Variants in THOC2 observed in about 807,000 individuals in gnomAD.
THOC2 encodes the protein THO complex subunit 2, also known as THO complex 2.
In THOC2, 10 loss-of-function variants were observed where a neutral mutation model predicts 128.4. That is an observed-to-expected ratio of 0.08 (90% CI 0.05 to 0.13). THOC2 has a LOEUF of 0.13. Among genes scored for constraint, THOC2 ranks in the 10% least tolerant of loss-of-function variants. THOC2 has a pLI of 1.00. For missense variants in THOC2, 535 were observed against 1,155.7 expected (o/e 0.46, Z 7.79); for synonymous variants, 393 against 396.9 (o/e 0.99, Z 0.12).
At chrX:123,731,429 TA>T (rs2052248276) in intron 1 of THOC2, among the ~76,000 whole-genome samples, 1 of 111,797 alleles carries the variant, frequency 8.9e-6, no homozygotes, top group East Asian at 2.8e-4. Flanking sequence ...AGAGACCAAT[TA>T]ATTGCTAACC....
chrX:123,609,050 G>C (rs1183297282), intron 38 of THOC2, among the ~76,000 whole-genome samples: 3 of 112,195 alleles, frequency 2.7e-5, no homozygotes, highest in Non-Finnish European at 3.8e-5. Context: ...TAATATTTGG[G>C]TACTGAGTAA....
intron 7 of THOC2, among the ~76,000 whole-genome samples, chrX:123,689,145 C>A (rs2050122095): frequency 8.9e-6 from 1 of 112,166 alleles, no homozygotes; most frequent in South Asian, 3.7e-4. Context: ...AAATGTGAAC[C>A]ACTAGCATTA....
chrX:123,600,726 G>C lies in THOC2; in HGVS notation c.*631C>G, dbSNP rs1234519186. 7.1e-5 allele frequency: 8 copies of C among 111,906 alleles called. No homozygotes were observed. The highest frequency in any genetic ancestry group is 2.3e-4 in the African/African-American group (7 of 30,765). The allele number at this position is 111,906 out of a possible 1,213,427, so 9.2% of individuals were successfully genotyped here. ...TGTAGAATTAAAACAATTATGTTTT[G>C]ATCCCCCCGCCGCCAAGATTTGTCT... is the stretch of plus-strand genomic sequence containing the variant. On this transcript the variant is annotated 3_prime_UTR_variant, in exon 39 of 39. Coordinates refer to ENST00000245838, the MANE Select transcript of THOC2 (RefSeq NM_001081550.2).
chrX:123,697,457 G>A (rs913443514), intron 5 of THOC2, among the ~76,000 whole-genome samples: 44 of 111,857 alleles, frequency 3.9e-4, no homozygotes, highest in African/African-American at 1.4e-3. Context: ...TATCACCAAA[G>A]GTTTTAAATG....
intron 36 of THOC2, among the ~76,000 whole-genome samples, chrX:123,611,738 C>A (rs1442911126): frequency 9.6e-6 from 1 of 103,838 alleles, no homozygotes; most frequent in Admixed American, 1.1e-4. Context: ...GAAAAGACAA[C>A]CTATAGAACT....
At chrX:123,698,457 C>CA (rs763092017) in intron 4 of THOC2, among the ~76,000 whole-genome samples, 2,081 of 35,747 alleles carry the variant, frequency 0.058, 75 homozygotes, top group African/African-American at 0.14. Context: ...GACTCTGTCT[C>CA]AAAAAAAAAA....
At chrX:123,652,397 T>C (rs983227513) in intron 12 of THOC2, among the ~76,000 whole-genome samples, 5 of 111,870 alleles carry the variant, frequency 4.5e-5, no homozygotes, top group Non-Finnish European at 9.4e-5. Flanking sequence ...TCTCTCACCA[T>C]TCCTATTCAA....
intron 15 of THOC2, among the ~76,000 whole-genome samples, chrX:123,643,969 C>T (rs764426046): frequency 1.8e-5 from 2 of 112,142 alleles, no homozygotes; most frequent in Non-Finnish European, 3.8e-5. Flanking sequence ...TGCAATACAG[C>T]AATACAATTA....
At position 123,692,847 on chromosome X, in the gene THOC2, T is replaced by C. The variant is rs748209166; in HGVS notation, c.601+3174A>G. 3.6e-5 allele frequency among the ~76,000 whole-genome samples: 4 copies of C among 111,917 alleles called. No homozygotes were observed. In the East Asian group the frequency reaches 1.1e-3, roughly 31 times the overall value. On this transcript the variant is annotated intron_variant, in intron 7 of 38. Transcript: ENST00000245838. Reference sequence around the variant, plus strand: ...AAGGATGATAAGTAAGGATTTATCCTGGTCAGACCAAGTACCCTGAAAGTA... The same window carrying C: ...AAGGATGATAAGTAAGGATTTATCCCGGTCAGACCAAGTACCCTGAAAGTA...
chrX:123,630,438 T>C (rs1388204695), intron 22 of THOC2, among the ~76,000 whole-genome samples: 13 of 107,906 alleles, frequency 1.2e-4, no homozygotes, highest in South Asian at 4.1e-4. Context: ...CATGGTGAAA[T>C]CTCATCTCTT....
At chrX:123,690,715 C>T (rs947458696) in intron 7 of THOC2, among the ~76,000 whole-genome samples, 1 of 111,901 alleles carries the variant, frequency 8.9e-6, no homozygotes, top group African/African-American at 3.3e-5. Context: ...TAGCCTCAAT[C>T]ATCAAGTTCC....
intron 4 of THOC2, among the ~76,000 whole-genome samples, chrX:123,702,928 C>CT (rs984741921): frequency 2.7e-5 from 3 of 111,164 alleles, no homozygotes; most frequent in Non-Finnish European, 3.8e-5. Flanking sequence ...AGAAATACTC[C>CT]TTTTTTTATC....
At chrX:123,711,411 C>T (rs775638371) in intron 2 of THOC2, among the ~76,000 whole-genome samples, 2 of 109,810 alleles carry the variant, frequency 1.8e-5, no homozygotes, top group African/African-American at 3.3e-5. Context: ...GAGCCTGAGG[C>T]GAAAGGACTG....
At chrX:123,648,745 T>C (rs1036912965) in intron 12 of THOC2, among the ~76,000 whole-genome samples, 4 of 111,916 alleles carry the variant, frequency 3.6e-5, no homozygotes, top group African/African-American at 1.3e-4. Context: ...AAAGCTGGTG[T>C]AGCCTGACTG....
intron 23 of THOC2, 38 bp from the exon 24 acceptor site, chrX:123,626,700 G>A (rs1182207787): frequency 4.5e-6 from 5 of 1,121,648 alleles, no homozygotes; most frequent in Non-Finnish European, 4.7e-6. Flanking sequence ...CTAACTATAT[G>A]CACATTACCT....
intron 12 of THOC2, among the ~76,000 whole-genome samples, chrX:123,655,960 A>T (rs2048553282): frequency 9.1e-6 from 1 of 109,523 alleles, no homozygotes; most frequent in Admixed American, 9.9e-5. Flanking sequence ...GGAGGTTGCA[A>T]TGAGCTGAGA....
At chrX:123,711,201 G>T (rs113178974) in intron 2 of THOC2, among the ~76,000 whole-genome samples, 39,315 of 95,166 alleles carry the variant, frequency 0.41, 7,759 homozygotes, top group East Asian at 0.66. Context: ...TTTTGTTTTT[G>T]TTTTTTTTTT....
intron 36 of THOC2, among the ~76,000 whole-genome samples, chrX:123,611,996 T>C (rs2046717848): frequency 9.0e-6 from 1 of 110,619 alleles, no homozygotes; most frequent in Non-Finnish European, 1.9e-5. Flanking sequence ...CTGGAATGGC[T>C]ATAATAAAAA....
chrX:123,615,841 G>A (rs941252414), intron 33 of THOC2, among the ~76,000 whole-genome samples: 1 of 110,978 alleles, frequency 9.0e-6, no homozygotes, highest in African/African-American at 3.3e-5. Context: ...TCTTAGTTCA[G>A]AATGTACCCA....
Sources: gnomAD v4.1 joint callset for allele counts (sites outside exome capture counted in the v4.1 genomes callset) on GRCh38, gnomAD v4.1.1 for gene constraint, MANE v1.5 for transcripts, NCBI Gene and HGNC (gene_info 2026-07-23, HGNC 2026-07-21) for gene names.